The following NRXN1 variants were observed in gnomAD, a reference collection of about 807,000 sequenced individuals.
The protein encoded by NRXN1 is neurexin 1.
A neutral mutation model predicts 150.9 loss-of-function variants in NRXN1; 39 were observed. That is an observed-to-expected ratio of 0.26 (90% CI 0.20 to 0.34). NRXN1 has a LOEUF of 0.34. NRXN1 is among the 10% of genes least tolerant of loss of function. The probability of loss-of-function intolerance (pLI) is 1.00; values close to 1 mark genes in which losing one functional copy is unlikely to be tolerated. For synonymous variants in NRXN1, 924 were observed against 757.0 expected (o/e 1.22, Z -3.62); for missense variants, 1,815 against 1,949.9 (o/e 0.93, Z 1.30).
chr2:50,468,334 G>C, intron 16 of NRXN1, among the ~76,000 whole-genome samples: 1 of 151,602 alleles, frequency 6.6e-6, no homozygotes, highest in East Asian at 1.9e-4. Flanking sequence ...GCATACAGAC[G>C]TGCTGTATTT....
chr2:50,836,987 G>T (rs1574653822), intron 5 of NRXN1, among the ~76,000 whole-genome samples: 2 of 151,662 alleles, frequency 1.3e-5, no homozygotes, highest in African/African-American at 2.4e-5. Context: ...TGAGCATATG[G>T]TCATGTCTGG....
chr2:50,909,174 T>G (rs1180144517), intron 5 of NRXN1, among the ~76,000 whole-genome samples: 1 of 151,956 alleles, frequency 6.6e-6, no homozygotes, highest in Non-Finnish European at 1.5e-5. Context: ...CAAAACAACA[T>G]GCAGATGGCT....
chr2:50,029,539 C>T (rs996403397), intron 21 of NRXN1, among the ~76,000 whole-genome samples: 1 of 152,116 alleles, frequency 6.6e-6, no homozygotes, highest in Non-Finnish European at 1.5e-5. Context: ...TGCACACACA[C>T]ATGCTCTCCA....
intron 17 of NRXN1, among the ~76,000 whole-genome samples, chr2:50,275,808 T>C (rs952048957): frequency 1.3e-5 from 2 of 152,114 alleles, no homozygotes; most frequent in Non-Finnish European, 2.9e-5. Flanking sequence ...CTTTGTCTCC[T>C]GGATTTTTGG....
chr2:50,246,283 T>C (rs2066494531), intron 17 of NRXN1, among the ~76,000 whole-genome samples: 1 of 152,048 alleles, frequency 6.6e-6, no homozygotes, highest in Admixed American at 6.6e-5. Flanking sequence ...ACTTTTACTC[T>C]ATACCAGAAA....
chr2:50,847,326 T>C (rs1200576799), intron 5 of NRXN1, among the ~76,000 whole-genome samples: 1 of 152,148 alleles, frequency 6.6e-6, no homozygotes, highest in Non-Finnish European at 1.5e-5. Flanking sequence ...ATCTGGAAAC[T>C]GGCGTTTAGA....
intron 18 of NRXN1, among the ~76,000 whole-genome samples, chr2:50,107,539 A>ATT (rs1230095218): frequency 1.2e-4 from 15 of 129,872 alleles, no homozygotes; most frequent in African/African-American, 2.9e-4. Context: ...ATATATATAT[A>ATT]TTTTTTTTTT....
chr2:50,208,906 C>T (rs1051141256), intron 18 of NRXN1, among the ~76,000 whole-genome samples: 15 of 152,120 alleles, frequency 9.9e-5, no homozygotes, highest in African/African-American at 3.6e-4. Flanking sequence ...AGATATTTCT[C>T]ACACAAACTA....
At position 50,269,230 on chromosome 2, in the gene NRXN1, T is replaced by C. The variant is rs373283031; in HGVS notation, c.3365-32260A>G. 1.0e-3 allele frequency among the ~76,000 whole-genome samples: 153 copies of C among 152,274 alleles called. 1 individual carries two copies. Among genetic ancestry groups the C allele is most frequent in the African/African-American group, 3.5e-3 (147 of 41,564 alleles). ...GAAGTACCAGATGTGGGTCACATGG[T>C]CCCCTGGCACTCCAGCCGAGAAGGC... On this transcript the variant is annotated intron_variant, in intron 17 of 22. Transcript: ENST00000401669.
chr2:50,865,068 G>A (rs774816598), intron 5 of NRXN1, among the ~76,000 whole-genome samples: 15 of 151,762 alleles, frequency 9.9e-5, no homozygotes, highest in African/African-American at 2.7e-4. Flanking sequence ...GTGTGTATGC[G>A]GTGAGGGGGA....
At chr2:51,021,952 T>A (rs2105285899) in intron 2 of NRXN1, among the ~76,000 whole-genome samples, 1 of 152,192 alleles carries the variant, frequency 6.6e-6, no homozygotes, top group East Asian at 1.9e-4. Flanking sequence ...TCTCAGAATG[T>A]GATTTTTTAA....
chr2:50,037,185 T>G (rs971962273), intron 21 of NRXN1, among the ~76,000 whole-genome samples: 12 of 152,202 alleles, frequency 7.9e-5, no homozygotes, highest in Admixed American at 2.0e-4. Context: ...TATACAGGGC[T>G]AAAACATTTT....
intron 17 of NRXN1, among the ~76,000 whole-genome samples, chr2:50,337,815 AAC>A (rs2077290894): frequency 6.6e-6 from 1 of 152,240 alleles, no homozygotes; most frequent in African/African-American, 2.4e-5. Context: ...AAAAGAAAAA[AAC>A]ACAAATTTTT....
intron 19 of NRXN1, among the ~76,000 whole-genome samples, chr2:50,069,015 G>T (rs541692858): frequency 6.6e-6 from 1 of 152,234 alleles, no homozygotes; most frequent in East Asian, 1.9e-4. Context: ...TCATTAGCTG[G>T]AAGAAACCAC....
At chr2:50,272,149 T>C (rs2069765637) in intron 17 of NRXN1, among the ~76,000 whole-genome samples, 1 of 152,180 alleles carries the variant, frequency 6.6e-6, no homozygotes, top group Non-Finnish European at 1.5e-5. Flanking sequence ...CTGTTTTGCA[T>C]GAAATAGATG....
chr2:50,846,121 A>T (rs569418145), intron 5 of NRXN1, among the ~76,000 whole-genome samples: 35 of 152,194 alleles, frequency 2.3e-4, no homozygotes, highest in Non-Finnish European at 3.4e-4. Flanking sequence ...AACTTAAAAA[A>T]TTTTTTTTCA....
At chr2:50,400,531 A>G (rs1387908786) in intron 17 of NRXN1, among the ~76,000 whole-genome samples, 1 of 152,176 alleles carries the variant, frequency 6.6e-6, no homozygotes, top group Non-Finnish European at 1.5e-5. Context: ...GCCAGAGGGT[A>G]TCAATGGCTG....
At chr2:50,809,868 T>C (rs1470601755) in intron 5 of NRXN1, among the ~76,000 whole-genome samples, 1 of 152,182 alleles carries the variant, frequency 6.6e-6, no homozygotes, top group Non-Finnish European at 1.5e-5. Flanking sequence ...AATCATCTAC[T>C]AAATTCTGTT....
chr2:49,967,051 T>A (rs137910873), intron 21 of NRXN1, among the ~76,000 whole-genome samples: 1 of 152,128 alleles, frequency 6.6e-6, no homozygotes, highest in South Asian at 2.1e-4. Flanking sequence ...TCTTAGGCAA[T>A]TGATCGAACC....
Sources: gnomAD v4.1 joint callset for allele counts (sites outside exome capture counted in the v4.1 genomes callset) on GRCh38, gnomAD v4.1.1 for gene constraint, MANE v1.5 for transcripts, NCBI Gene and HGNC (gene_info 2026-07-23, HGNC 2026-07-21) for gene names.